Variants in NAA35 observed in about 807,000 individuals in gnomAD.
NAA35 encodes MAK10 homolog, amino-acid N-acetyltransferase subunit.
A neutral mutation model predicts 101.7 loss-of-function variants in NAA35; 18 were observed. The ratio of observed to expected loss-of-function variants is 0.18; its 90% CI spans 0.12 to 0.26. NAA35 has a LOEUF of 0.26. Ranked by LOEUF, NAA35 falls within the 10% of genes least tolerant of loss-of-function variation. NAA35 has a pLI of 1.00. For synonymous variants in NAA35, 267 were observed against 273.1 expected, an observed-to-expected ratio of 0.98 and a Z score of 0.22; for missense variants, 601 against 886.8, an observed-to-expected ratio of 0.68 and a Z score of 4.09.
At chr9:85,974,886 A>T (rs1276696084) in intron 6 of NAA35, 81 bp from the exon 7 acceptor site, 1 of 938,764 alleles carries the variant, frequency 1.1e-6, no homozygotes, top group Non-Finnish European at 1.7e-6. Context: ...TTGTAAGAGA[A>T]ATATAAAGAA....
rs1471563482 is a variant in NAA35, at chr9:86,024,628, A to G, written c.*2668A>G. 6.6e-6 allele frequency among the ~76,000 whole-genome samples: 1 copy of G among 152,204 alleles called. No individual in the cohort carries two copies. Among genetic ancestry groups the G allele is most frequent in the Non-Finnish European group, 1.5e-5 (1 of 68,028 alleles). ...AGGTACAGCTAATGGGACATGGTGA[A>G]TGAGAGTTTCTGCCAAAATCAAGGA... On this transcript the variant is annotated 3_prime_UTR_variant, in exon 23 of 23. Coordinates refer to ENST00000361671, the MANE Select transcript of NAA35 (RefSeq NM_024635.4).
chr9:85,954,908 T>C (rs954654495), intron 2 of NAA35, among the ~76,000 whole-genome samples: 9 of 152,170 alleles, frequency 5.9e-5, no homozygotes, highest in African/African-American at 2.2e-4. Context: ...TGCTATGTTT[T>C]GTTGTTTTGT....
chr9:85,948,760 AT>A (rs757719711), intron 2 of NAA35, among the ~76,000 whole-genome samples: 3 of 151,650 alleles, frequency 2.0e-5, no homozygotes, highest in Middle Eastern at 3.2e-3. Flanking sequence ...CCTTTATTTT[AT>A]TTTATTTTTT....
rs41283649 is a variant in NAA35 at position 85,959,866 on chromosome 9, T to G, written c.347T>G (p.Leu116Trp). 1.6e-3 allele frequency: 2,503 copies of G among 1,604,960 alleles called. 1 individual carries two copies. The highest frequency in any genetic ancestry group is 2.0e-3 in the Non-Finnish European group (2,393 of 1,174,644). Reference protein sequence around the residue: ...IGIMDTCFCCLITWLEGHSLA... With the variant: ...IGIMDTCFCCWITWLEGHSLA... ...ATTATGGATACATGTTTTTGCTGTT[T>G]GGTAAGAATGGAAATAAGACTATTG... The change falls in exon 5 of 23, where the codon TTG becomes TGG. Residue 116 changes from leucine (L) to tryptophan (W), a missense_variant and splice_region_variant. Physicochemically the swap from Leu to Trp is moderately conservative, Grantham distance 61 (BLOSUM62 -2). This residue lies in a region of NAA35 where 86 missense variants were observed against 169.4 expected (regional missense o/e 0.51). Coordinates refer to ENST00000361671, the MANE Select transcript of NAA35 (RefSeq NM_024635.4).
chr9:85,941,754 T>G (rs1441341369), intron 1 of NAA35: 1 of 989,886 alleles, frequency 1.0e-6, no homozygotes, highest in Non-Finnish European at 1.2e-6. Flanking sequence ...CTACCTTGAT[T>G]GACTTCGGTA....
At position 86,025,271 on chromosome 9, in the gene NAA35, A is replaced by G. The variant is rs1011210453; in HGVS notation, c.*3311A>G. The stretch of plus-strand genomic sequence containing the variant: ...TTAAGAGAAGGACTGAAAAGAGCCC[A>G]TTGAACTTGGCAAGTAAAGATTGCT... On this transcript the variant is annotated 3_prime_UTR_variant, in exon 23 of 23. Transcript: ENST00000361671. 2.0e-5 allele frequency among the ~76,000 whole-genome samples: 3 copies of G among 152,138 alleles called. No individual in the cohort carries two copies. Among genetic ancestry groups the G allele is most frequent in the Non-Finnish European group, 4.4e-5 (3 of 68,022 alleles).
intron 2 of NAA35, among the ~76,000 whole-genome samples, chr9:85,950,353 C>G (rs911959638): frequency 4.6e-5 from 7 of 152,226 alleles, no homozygotes; most frequent in Admixed American, 4.6e-4. Context: ...CCAAGCAACT[C>G]TCATGTCTCA....
At chr9:85,968,060 T>A (rs1480739676) in intron 6 of NAA35, among the ~76,000 whole-genome samples, 2 of 152,184 alleles carry the variant, frequency 1.3e-5, no homozygotes, top group African/African-American at 4.8e-5. Context: ...ACGTTCGGAT[T>A]ATTTTGCTTT....
At chr9:85,966,714 C>A in intron 6 of NAA35, 3 of 989,124 alleles carry the variant, frequency 3.0e-6, no homozygotes, top group South Asian at 1.5e-5. Context: ...TACATTAGCA[C>A]AGCTGTCTTG....
At chr9:85,967,398 G>T (rs915020824) in intron 6 of NAA35, among the ~76,000 whole-genome samples, 1 of 152,068 alleles carries the variant, frequency 6.6e-6, no homozygotes, top group African/African-American at 2.4e-5. Flanking sequence ...TGGGCCAAAA[G>T]ATTCTGTTTT....
intron 21 of NAA35, among the ~76,000 whole-genome samples, chr9:86,020,384 A>AT (rs34614990): frequency 1.3e-5 from 2 of 152,076 alleles, no homozygotes; most frequent in African/African-American, 2.4e-5. Flanking sequence ...TTGCAGCCTA[A>AT]TTTTTTTGTT....
rs1832682891 is a variant in NAA35, at chr9:86,024,148, A to G, written c.*2188A>G. On this transcript the variant is annotated 3_prime_UTR_variant, in exon 23 of 23. Transcript: ENST00000361671. ...ATCTTACGACAAATACAGAAAAGCA[A>G]CAGGTATTGAAAATGCAGTGAAGAA... Among the ~76,000 whole-genome samples the G allele has an allele frequency of 6.6e-6, 1 of 152,252 alleles. No individual in the cohort carries two copies. Among genetic ancestry groups the G allele is most frequent in the Non-Finnish European group, 1.5e-5 (1 of 68,040 alleles).
intron 17 of NAA35, among the ~76,000 whole-genome samples, chr9:86,015,157 T>C (rs1402842718): frequency 6.6e-6 from 1 of 152,234 alleles, no homozygotes; most frequent in African/African-American, 2.4e-5. Context: ...CAGATCAAAA[T>C]ATTATTTTTA....
chr9:85,983,629 G>A (rs746017644), intron 11 of NAA35, among the ~76,000 whole-genome samples: 1 of 152,112 alleles, frequency 6.6e-6, no homozygotes, highest in Non-Finnish European at 1.5e-5. Flanking sequence ...GGAAAAAAGG[G>A]GAATATGTTC....
intron 11 of NAA35, among the ~76,000 whole-genome samples, chr9:85,988,465 GA>G (rs1309150725): frequency 6.6e-6 from 1 of 152,170 alleles, no homozygotes; most frequent in African/African-American, 2.4e-5. Context: ...AGATCTCATT[GA>G]AAATAGCAAA....
At chr9:86,011,226 C>T (rs2118411894) in intron 15 of NAA35, among the ~76,000 whole-genome samples, 1 of 149,218 alleles carries the variant, frequency 6.7e-6, no homozygotes, top group South Asian at 2.1e-4. Flanking sequence ...GCAACAAGAG[C>T]AAAACTGTCT....
chr9:86,012,171 G>C (rs1831967313), intron 15 of NAA35, among the ~76,000 whole-genome samples: 1 of 149,676 alleles, frequency 6.7e-6, no homozygotes, highest in African/African-American at 2.5e-5. Context: ...CCAGGCTGGA[G>C]TGCAGTGGTG....
At chr9:86,003,769 T>A (rs1452033008) in intron 13 of NAA35, 125 bp downstream of exon 13, 1 of 510,090 alleles carries the variant, frequency 2.0e-6, no homozygotes, top group African/African-American at 2.0e-5. Context: ...TGTGTATTTT[T>A]TTTTTAATTG....
intron 2 of NAA35, among the ~76,000 whole-genome samples, chr9:85,953,288 T>C (rs1192758857): frequency 1.3e-5 from 2 of 152,020 alleles, no homozygotes; most frequent in East Asian, 3.9e-4. Flanking sequence ...TTTAATACAT[T>C]TGTAATGTCT....
Sources: gnomAD v4.1 joint callset for allele counts (sites outside exome capture counted in the v4.1 genomes callset) on GRCh38, gnomAD v4.1.1 for gene constraint, gnomAD v4.1.1 regional missense constraint, MANE v1.5 for transcripts, NCBI Gene and HGNC (gene_info 2026-07-23, HGNC 2026-07-21) for gene names.